Variants in BTBD9 observed in about 807,000 individuals in gnomAD.
The protein encoded by BTBD9 is BTB/POZ domain-containing protein 9.
A neutral mutation model predicts 64.3 loss-of-function variants in BTBD9; 49 were observed. The ratio of observed to expected loss-of-function variants is 0.76; its 90% CI spans 0.61 to 0.97. BTBD9 has a LOEUF of 0.97. Ranked by LOEUF, BTBD9 falls within the 50% of genes least tolerant of loss-of-function variation. The probability of loss-of-function intolerance (pLI) is 0.00; values close to 1 mark genes in which losing one functional copy is unlikely to be tolerated. For synonymous variants in BTBD9, 260 were observed against 274.7 expected, an observed-to-expected ratio of 0.95 and a Z score of 0.53; for missense variants, 598 against 762.1, an observed-to-expected ratio of 0.78 and a Z score of 2.53.
intron 8 of BTBD9, among the ~76,000 whole-genome samples, chr6:38,266,651 AAAGAAAGAAAG>A (rs1765009937): frequency 7.7e-6 from 1 of 129,304 alleles, no homozygotes. Context: ...AGAAAGAAAG[AAAGAAAGAAAG>A]AAAGAAAGAA....
chr6:38,507,828 ATTTTT>A (rs34808509), intron 6 of BTBD9, among the ~76,000 whole-genome samples: 1 of 125,422 alleles, frequency 8.0e-6, no homozygotes. Context: ...TGTCTCCCAA[ATTTTT>A]TTTTTTTTTT....
chr6:38,506,858 A>G (rs1183636625), intron 6 of BTBD9, among the ~76,000 whole-genome samples: 1 of 152,144 alleles, frequency 6.6e-6, no homozygotes, highest in East Asian at 1.9e-4. Context: ...ACAAATTAAT[A>G]CCATGGCATA....
At chr6:38,536,853 T>C (rs1008267219) in intron 6 of BTBD9, among the ~76,000 whole-genome samples, 30 of 151,996 alleles carry the variant, frequency 2.0e-4, no homozygotes, top group African/African-American at 7.2e-4. Context: ...GTGGGGATGC[T>C]TAATGGGTAC....
chr6:38,223,565 C>A (rs571450583), intron 9 of BTBD9, among the ~76,000 whole-genome samples: 2 of 152,184 alleles, frequency 1.3e-5, no homozygotes, highest in South Asian at 4.2e-4. Flanking sequence ...TTCGAATTCC[C>A]GGCCTCGAGT....
chr6:38,532,825 T>G (rs1324729037), intron 6 of BTBD9, among the ~76,000 whole-genome samples: 3 of 151,422 alleles, frequency 2.0e-5, no homozygotes, highest in Non-Finnish European at 4.4e-5. Flanking sequence ...ACTCAGCATA[T>G]CCCCAGCTGT....
intron 6 of BTBD9, among the ~76,000 whole-genome samples, chr6:38,452,687 A>G (rs1250205820): frequency 6.6e-6 from 1 of 152,116 alleles, no homozygotes; most frequent in Non-Finnish European, 1.5e-5. Flanking sequence ...TTGTAGGTCT[A>G]TGTGACTAAG....
chr6:38,419,921 T>C (rs570610171), intron 6 of BTBD9, among the ~76,000 whole-genome samples: 1 of 152,214 alleles, frequency 6.6e-6, no homozygotes, highest in African/African-American at 2.4e-5. Flanking sequence ...TTTTTTATGG[T>C]ATTCAAAGCA....
chr6:38,205,421 G>T (rs147456724), intron 9 of BTBD9, among the ~76,000 whole-genome samples: 95 of 152,224 alleles, frequency 6.2e-4, no homozygotes, highest in Admixed American at 2.0e-3. Flanking sequence ...CCTTCTAAAT[G>T]CTGAGGGAAA....
At chr6:38,221,500 AC>A (rs1293499355) in intron 9 of BTBD9, among the ~76,000 whole-genome samples, 1 of 152,140 alleles carries the variant, frequency 6.6e-6, no homozygotes, top group Non-Finnish European at 1.5e-5. Context: ...ATTCCTGCCC[AC>A]AAAATGTCAC....
At chr6:38,512,723 A>T (rs1359368947) in intron 6 of BTBD9, among the ~76,000 whole-genome samples, 1 of 152,206 alleles carries the variant, frequency 6.6e-6, no homozygotes, top group Non-Finnish European at 1.5e-5. Flanking sequence ...TACCTTTAAG[A>T]AGTGAGTTTT....
intron 7 of BTBD9, among the ~76,000 whole-genome samples, chr6:38,312,967 T>C (rs1762893298): frequency 1.3e-5 from 2 of 152,212 alleles, no homozygotes; most frequent in South Asian, 4.1e-4. Flanking sequence ...TTAATAGGGA[T>C]TGAATTGAAT....
At chr6:38,199,527 G>C (rs777690669) in intron 9 of BTBD9, among the ~76,000 whole-genome samples, 3 of 152,104 alleles carry the variant, frequency 2.0e-5, no homozygotes, top group Non-Finnish European at 2.9e-5. Flanking sequence ...ATGGGAAGGA[G>C]ACAGAAAAAA....
chr6:38,285,936 C>A (rs1306959250), intron 8 of BTBD9, among the ~76,000 whole-genome samples: 1 of 152,184 alleles, frequency 6.6e-6, no homozygotes, highest in Admixed American at 6.5e-5. Context: ...GGTTTCACAT[C>A]ATCTTTAACA....
intron 9 of BTBD9, among the ~76,000 whole-genome samples, chr6:38,222,540 T>C (rs948209105): frequency 3.0e-4 from 45 of 152,240 alleles, no homozygotes; most frequent in Middle Eastern, 6.8e-3. Flanking sequence ...ATTACAGGCA[T>C]GAACCACTGC....
chr6:38,631,117 T>C (rs1425595009), intron 1 of BTBD9, among the ~76,000 whole-genome samples: 2 of 152,242 alleles, frequency 1.3e-5, no homozygotes, highest in African/African-American at 4.8e-5. Context: ...ATGAAAACAT[T>C]CTGGCTGCAT....
chr6:38,498,745 A>G (rs1259365604), intron 6 of BTBD9, among the ~76,000 whole-genome samples: 2 of 152,194 alleles, frequency 1.3e-5, no homozygotes, highest in African/African-American at 4.8e-5. Context: ...AAGCGTCACT[A>G]TCCACACCAA....
At chr6:38,211,202 G>A (rs186768187) in intron 9 of BTBD9, among the ~76,000 whole-genome samples, 3,601 of 152,296 alleles carry the variant, frequency 0.024, 55 homozygotes, top group Middle Eastern at 0.082. Flanking sequence ...GGCCGAGGCG[G>A]GTGGATCACG....
chr6:38,377,156 G>C (rs1044666957), intron 6 of BTBD9, among the ~76,000 whole-genome samples: 7 of 152,038 alleles, frequency 4.6e-5, no homozygotes, highest in Non-Finnish European at 1.0e-4. Flanking sequence ...GCTACCAGTC[G>C]ATTTTGATTT....
At chr6:38,223,132 C>A (rs909334429) in intron 9 of BTBD9, among the ~76,000 whole-genome samples, 1 of 152,106 alleles carries the variant, frequency 6.6e-6, no homozygotes, top group Non-Finnish European at 1.5e-5. Flanking sequence ...GTCTTGAACT[C>A]CTGACCTCAG....
Sources: allele counts gnomAD v4.1 joint callset (sites outside exome capture counted in the v4.1 genomes callset), GRCh38; gene constraint gnomAD v4.1.1; transcripts MANE v1.5; gene names NCBI Gene and HGNC (gene_info 2026-07-23, HGNC 2026-07-21).